The following DLG2 variants were observed in gnomAD, a reference collection of about 807,000 sequenced individuals.
DLG2 encodes the protein discs large MAGUK scaffold protein 2.
Under a neutral mutation model 132.5 loss-of-function variants are expected in DLG2, and 45 were observed. The observed-to-expected ratio is 0.34, with a 90% CI of 0.27 to 0.44. The LOEUF is 0.44. Ranked by LOEUF, DLG2 falls within the 20% of genes least tolerant of loss-of-function variation. DLG2 has a pLI of 1.00. For missense variants in DLG2, 1,045 were observed against 1,196.9 expected (o/e 0.87, Z 1.87); for synonymous variants, 424 against 419.6 (o/e 1.01, Z -0.13).
Position 84,889,251 on chromosome 11 carries a change from G to A in DLG2, c.357+222410C>T, listed in dbSNP as rs146110033. On this transcript the variant is annotated intron_variant, in intron 6 of 27. Transcript: ENST00000376104. ...GCAAGACAAACTCTACAGCATTATGGATTGTTAAGCGCTAGGTAATAGCAA... is the reference window on the plus strand; with the variant it reads ...GCAAGACAAACTCTACAGCATTATGAATTGTTAAGCGCTAGGTAATAGCAA... Among the ~76,000 whole-genome samples the A allele has an allele frequency of 1.8e-3, 270 of 152,210 alleles. 3 individuals are homozygous for A. Among genetic ancestry groups the A allele is most frequent in the African/African-American group, 6.2e-3 (259 of 41,538 alleles).
rs371022462 is a variant in DLG2 at position 83,849,844 on chromosome 11, G to C, written c.1566-16074C>G. Among the ~76,000 whole-genome samples the C allele has an allele frequency of 2.6e-5, 4 of 151,146 alleles. No individual in the cohort carries two copies. In the South Asian group the frequency reaches 8.3e-4, roughly 32 times the overall value. On this transcript the variant is annotated intron_variant, in intron 16 of 27. Coordinates refer to ENST00000376104, the MANE Select transcript of DLG2 (RefSeq NM_001142699.3). Reference sequence around the variant, plus strand: ...AATGCTAGTGCCTGACATCTAAAATGTGCTTACTGTAAATGAACTCCCTTT... The same window carrying C: ...AATGCTAGTGCCTGACATCTAAAATCTGCTTACTGTAAATGAACTCCCTTT...
intron 8 of DLG2, among the ~76,000 whole-genome samples, chr11:84,207,380 G>T (rs1369243666): frequency 2.0e-5 from 3 of 151,918 alleles, no homozygotes; most frequent in African/African-American, 7.2e-5. Context: ...TGCACTACTT[G>T]ACTTTAATAT....
chr11:84,554,656 G>T (rs1208891640), intron 6 of DLG2, among the ~76,000 whole-genome samples: 2 of 152,090 alleles, frequency 1.3e-5, no homozygotes, highest in Non-Finnish European at 2.9e-5. Flanking sequence ...TGAGGCAGGA[G>T]AATCACTTGA....
At chr11:84,515,613 G>C (rs965308938) in intron 7 of DLG2, among the ~76,000 whole-genome samples, 7 of 151,774 alleles carry the variant, frequency 4.6e-5, no homozygotes, top group African/African-American at 1.7e-4. Context: ...TCTGAATGGA[G>C]AGCCAGACTA....
At chr11:84,550,153 C>T (rs1258284616) in intron 6 of DLG2, among the ~76,000 whole-genome samples, 2 of 149,696 alleles carry the variant, frequency 1.3e-5, no homozygotes, top group Non-Finnish European at 3.0e-5. Context: ...CACACACATA[C>T]ACACACATGC....
intron 6 of DLG2, among the ~76,000 whole-genome samples, chr11:85,025,926 T>C (rs959494852): frequency 6.6e-6 from 1 of 151,932 alleles, no homozygotes; most frequent in Non-Finnish European, 1.5e-5. Flanking sequence ...ATCTATTTGT[T>C]AGTACATAAA....
intron 3 of DLG2, chr11:85,453,069 G>A: frequency 5.2e-6 from 1 of 193,806 alleles, no homozygotes; most frequent in Non-Finnish European, 1.1e-5. Context: ...GAAAAGAGAG[G>A]AGCACTTTTT....
chr11:84,795,956 C>G (rs555608930), intron 6 of DLG2, among the ~76,000 whole-genome samples: 1 of 152,216 alleles, frequency 6.6e-6, no homozygotes, highest in African/African-American at 2.4e-5. Flanking sequence ...TGCGCAGTGC[C>G]TGGACCCCAT....
At chr11:84,694,162 G>C (rs1342335941) in intron 6 of DLG2, among the ~76,000 whole-genome samples, 1 of 151,612 alleles carries the variant, frequency 6.6e-6, no homozygotes, top group Non-Finnish European at 1.5e-5. Context: ...AGGTGGAGAA[G>C]GGAAGGAAGA....
chr11:85,483,332 A>T (rs970998289), intron 3 of DLG2, among the ~76,000 whole-genome samples: 7 of 152,122 alleles, frequency 4.6e-5, no homozygotes, highest in African/African-American at 1.7e-4. Context: ...AGTGTAAAAA[A>T]TTTTTTTTAA....
At chr11:85,020,523 G>T (rs751838615) in intron 6 of DLG2, among the ~76,000 whole-genome samples, 3 of 152,112 alleles carry the variant, frequency 2.0e-5, no homozygotes, top group African/African-American at 4.8e-5. Context: ...TTTTAGTCAT[G>T]AAGTCCTTGC....
At chr11:84,444,248 G>T (rs1464257338) in intron 7 of DLG2, among the ~76,000 whole-genome samples, 2 of 152,144 alleles carry the variant, frequency 1.3e-5, no homozygotes, top group Non-Finnish European at 2.9e-5. Context: ...GGAGCATCAG[G>T]AAGAACAGCT....
intron 4 of DLG2, among the ~76,000 whole-genome samples, chr11:85,260,318 A>G (rs1252549029): frequency 1.3e-5 from 2 of 152,222 alleles, no homozygotes; most frequent in Non-Finnish European, 2.9e-5. Flanking sequence ...GACTTTTAAT[A>G]GACATTTTTT....
intron 3 of DLG2, among the ~76,000 whole-genome samples, chr11:85,455,910 G>A (rs968676651): frequency 6.6e-6 from 1 of 152,034 alleles, no homozygotes; most frequent in East Asian, 1.9e-4. Flanking sequence ...GTGCTGCTGA[G>A]TTCAGTTTGC....
chr11:84,832,011 T>C (rs955811903), intron 6 of DLG2, among the ~76,000 whole-genome samples: 11 of 151,648 alleles, frequency 7.3e-5, no homozygotes, highest in Admixed American at 5.9e-4. Context: ...ATAAAAAGTA[T>C]TGTGGCTAAG....
intron 5 of DLG2, among the ~76,000 whole-genome samples, chr11:85,129,466 A>C (rs1219657344): frequency 6.6e-6 from 1 of 152,232 alleles, no homozygotes; most frequent in African/African-American, 2.4e-5. Flanking sequence ...AAACAAAATA[A>C]AAATGATTCT....
chr11:84,332,680 T>G (rs926251239), intron 7 of DLG2, among the ~76,000 whole-genome samples: 1 of 152,086 alleles, frequency 6.6e-6, no homozygotes, highest in Non-Finnish European at 1.5e-5. Flanking sequence ...TGTAGGAAGT[T>G]TATAGGGCAA....
intron 3 of DLG2, among the ~76,000 whole-genome samples, chr11:85,435,174 T>C (rs1597327288): frequency 6.6e-6 from 1 of 152,142 alleles, no homozygotes; most frequent in East Asian, 1.9e-4. Flanking sequence ...CTCAAAATAA[T>C]AAGAGCTATT....
chr11:85,127,266 A>ATC lies in DLG2; in HGVS notation c.283-15533_283-15532dup, dbSNP rs1287981779. On this transcript the variant is annotated intron_variant, in intron 5 of 27. Coordinates refer to ENST00000376104, the MANE Select transcript of DLG2 (RefSeq NM_001142699.3). Reference sequence around the variant, plus strand: ...CGCCCCCCACCCACTCTCTCTTTCTATCTCTCTCTCTCTCCCCACACACCT... The same window carrying ATC: ...CGCCCCCCACCCACTCTCTCTTTCTATCTCTCTCTCTCTCTCCCCACACACCT... 5.7e-4 allele frequency among the ~76,000 whole-genome samples: 68 copies of ATC among 120,124 alleles called. 1 individual carries two copies. Among genetic ancestry groups the ATC allele is most frequent in the African/African-American group, 1.6e-3 (48 of 30,864 alleles). The allele number at this position is 120,124 out of a possible 152,430, so 78.8% of individuals were successfully genotyped here.
Sources: allele counts gnomAD v4.1 joint callset (sites outside exome capture counted in the v4.1 genomes callset), GRCh38; gene constraint gnomAD v4.1.1; transcripts MANE v1.5; gene names NCBI Gene and HGNC (gene_info 2026-07-23, HGNC 2026-07-21).